The following NRF1 variants were observed in gnomAD, a reference collection of about 807,000 sequenced individuals.
The protein encoded by NRF1 is alpha palindromic-binding protein.
NRF1 carries 5 observed loss-of-function variants against 58.5 expected under a neutral mutation model. That is an observed-to-expected ratio of 0.09 (90% CI 0.04 to 0.18). The LOEUF (loss-of-function observed/expected upper bound fraction) is 0.18. NRF1 is among the 10% of genes least tolerant of loss of function. The pLI is 1.00. For synonymous variants in NRF1, 224 were observed against 246.7 expected (o/e 0.91, Z 0.86); for missense variants, 288 against 657.7 (o/e 0.44, Z 6.15).
At position 129,696,115 on chromosome 7, in the gene NRF1, A is replaced by C. The variant is rs1802692146; in HGVS notation, c.606+5569A>C. On this transcript the variant is annotated intron_variant, in intron 5 of 10. Transcript: ENST00000393232. ...CCAAATTAGCCGGGCTTAGTGGTACATGCCTGTAATCCCAGCTACTCAGGA... is the reference window on the plus strand; with the variant it reads ...CCAAATTAGCCGGGCTTAGTGGTACCTGCCTGTAATCCCAGCTACTCAGGA... Among the ~76,000 whole-genome samples, 4 of 149,908 alleles carry C rather than the reference A, an allele frequency of 2.7e-5. No individual in the cohort carries two copies. The South Asian group carries it at 8.5e-4, about 32-fold the overall frequency.
At position 129,642,757 on chromosome 7, in the gene NRF1, A is replaced by ATT. The variant is rs1186472112; in HGVS notation, c.-6-14571_-6-14570dup. On this transcript the variant is annotated intron_variant, in intron 1 of 10. Transcript: ENST00000393232. ...TCTAAAAGAATACATTCTTTAAAAA[A>ATT]TTTTTTTTTTTTTTTTTTTAAATGA... 5.0e-3 allele frequency among the ~76,000 whole-genome samples: 547 copies of ATT among 109,746 alleles called. 29 individuals carry two copies. Among genetic ancestry groups the ATT allele is most frequent in the Admixed American group, 0.04 (446 of 11,076 alleles). 72.0% of individuals were successfully genotyped at this position (109,746 alleles called of 152,430 possible).
At chr7:129,729,083 C>A (rs1275972829) in intron 10 of NRF1, among the ~76,000 whole-genome samples, 1 of 152,208 alleles carries the variant, frequency 6.6e-6, no homozygotes, top group Non-Finnish European at 1.5e-5. Flanking sequence ...TGCTCTTATT[C>A]ACTATGGAAC....
At chr7:129,669,412 T>C (rs528878970) in intron 2 of NRF1, among the ~76,000 whole-genome samples, 1 of 152,332 alleles carries the variant, frequency 6.6e-6, no homozygotes, top group East Asian at 1.9e-4. Context: ...ATCATATTGA[T>C]ATTTGCAGTT....
At chr7:129,724,287 A>C (rs1200250041) in intron 9 of NRF1, among the ~76,000 whole-genome samples, 1 of 152,250 alleles carries the variant, frequency 6.6e-6, no homozygotes, top group Non-Finnish European at 1.5e-5. Flanking sequence ...GCCAATAAGC[A>C]CAGGAAAAGA....
chr7:129,710,651 C>G, intron 7 of NRF1, 80 bp downstream of exon 7: 1 of 779,668 alleles, frequency 1.3e-6, no homozygotes, highest in Non-Finnish European at 2.3e-6. Context: ...GGGAAAGTTT[C>G]CTTTGTGCGA....
At chr7:129,636,194 A>G (rs191922575) in intron 1 of NRF1, among the ~76,000 whole-genome samples, 29 of 151,466 alleles carry the variant, frequency 1.9e-4, no homozygotes, top group Admixed American at 5.3e-4. Flanking sequence ...TGATGATGAC[A>G]CAAGTCTCCA....
At chr7:129,721,675 G>T (rs1372491700) in intron 9 of NRF1, among the ~76,000 whole-genome samples, 1 of 151,880 alleles carries the variant, frequency 6.6e-6, no homozygotes, top group Non-Finnish European at 1.5e-5. Flanking sequence ...TAGAGAGGGG[G>T]TTTCACTGTG....
chr7:129,639,148 C>T (rs552361193), intron 1 of NRF1, among the ~76,000 whole-genome samples: 1 of 151,986 alleles, frequency 6.6e-6, no homozygotes, highest in East Asian at 1.9e-4. Context: ...CAGCCTCGAC[C>T]TCCATGGCTT....
At chr7:129,643,467 A>G (rs1554404137) in intron 1 of NRF1, among the ~76,000 whole-genome samples, 1 of 152,152 alleles carries the variant, frequency 6.6e-6, no homozygotes, top group Non-Finnish European at 1.5e-5. Context: ...CATGGCAACT[A>G]CTTATTTGAT....
At chr7:129,673,353 T>C (rs1023873669) in intron 3 of NRF1, among the ~76,000 whole-genome samples, 13 of 152,196 alleles carry the variant, frequency 8.5e-5, no homozygotes, top group Admixed American at 8.5e-4. Context: ...AATTCTGAAA[T>C]GTAGAACTTT....
At chr7:129,682,030 C>T (rs1187123151) in intron 4 of NRF1, among the ~76,000 whole-genome samples, 1 of 151,812 alleles carries the variant, frequency 6.6e-6, no homozygotes, top group East Asian at 1.9e-4. Flanking sequence ...TACAGTGAGC[C>T]ATAATGATGC....
rs751010509 is a variant in NRF1, at chr7:129,756,874, AATT to A, written c.*1700_*1702del. 2.6e-5 allele frequency: 4 copies of A among 152,326 alleles called. No individual in the cohort carries two copies. Among genetic ancestry groups the A allele is most frequent in the Admixed American group, 6.6e-5 (1 of 15,254 alleles). 9.4% of individuals were successfully genotyped at this position (152,326 alleles called of 1,614,324 possible). On this transcript the variant is annotated 3_prime_UTR_variant, in exon 11 of 11. Transcript: ENST00000393232. ...TAGTTCTACAATTTGTTATTTTTTTAATTATTATTTTTTATCGTCATTGTGAAG... is the reference window on the plus strand; with the variant it reads ...TAGTTCTACAATTTGTTATTTTTTTAATTATTTTTTATCGTCATTGTGAAG...
intron 4 of NRF1, among the ~76,000 whole-genome samples, chr7:129,688,620 A>AG (rs1197711675): frequency 7.9e-5 from 12 of 152,132 alleles, no homozygotes; most frequent in African/African-American, 2.9e-4. Flanking sequence ...ATGGCTAGGG[A>AG]GGCTTCAGGA....
chr7:129,658,351 G>A (rs34300097), intron 2 of NRF1, among the ~76,000 whole-genome samples: 23,205 of 151,994 alleles, frequency 0.15, 1,907 homozygotes, highest in African/African-American at 0.23. Context: ...CAGCACTTTG[G>A]GAGGCCAAGG....
rs190695831 is a variant in NRF1 at position 129,699,400 on chromosome 7, T to C, written c.606+8854T>C. On this transcript the variant is annotated intron_variant, in intron 5 of 10. Transcript: ENST00000393232. ...GAAGGAAAATATTGGGTTTCTAGAG[T>C]TGGCAAAATGATAAAGATAGAAAAT... 2.0e-5 allele frequency among the ~76,000 whole-genome samples: 3 copies of C among 151,836 alleles called. No individual in the cohort carries two copies. The East Asian group carries it at 5.8e-4, about 29-fold the overall frequency.
At chr7:129,712,712 CTCCT>C (rs1360151127) in intron 8 of NRF1, among the ~76,000 whole-genome samples, 1 of 152,170 alleles carries the variant, frequency 6.6e-6, no homozygotes, top group African/African-American at 2.4e-5. Flanking sequence ...GCGTATGTGC[CTCCT>C]TTCCACCTAA....
At chr7:129,753,422 A>G (rs1267071186) in intron 10 of NRF1, among the ~76,000 whole-genome samples, 2 of 152,192 alleles carry the variant, frequency 1.3e-5, no homozygotes, top group Non-Finnish European at 2.9e-5. Flanking sequence ...CTGTGTGAGC[A>G]TAGGAGTTGC....
chr7:129,669,504 A>G (rs980632574), intron 2 of NRF1, among the ~76,000 whole-genome samples: 1 of 152,182 alleles, frequency 6.6e-6, no homozygotes, highest in Non-Finnish European at 1.5e-5. Context: ...ATAAGATGTT[A>G]AAATTCAACT....
intron 10 of NRF1, among the ~76,000 whole-genome samples, chr7:129,748,609 A>G (rs896974497): frequency 2.0e-5 from 3 of 152,360 alleles, no homozygotes; most frequent in Admixed American, 6.5e-5. Flanking sequence ...GAAAGGCTAC[A>G]TAAACTCCTT....
Sources: allele counts gnomAD v4.1 joint callset (sites outside exome capture counted in the v4.1 genomes callset), GRCh38; gene constraint gnomAD v4.1.1; transcripts MANE v1.5; gene names NCBI Gene and HGNC (gene_info 2026-07-23, HGNC 2026-07-21).